The following BBS9 variants were observed in gnomAD, a reference collection of about 807,000 sequenced individuals.
BBS9 encodes protein PTHB1.
BBS9 carries 89 observed loss-of-function variants against 117.7 expected under a neutral mutation model. The observed-to-expected ratio is 0.76, with a 90% CI of 0.64 to 0.90. BBS9 has a LOEUF of 0.90. Among genes scored for constraint, BBS9 ranks in the 40% least tolerant of loss-of-function variants. The pLI, the probability that BBS9 is intolerant of heterozygous loss-of-function variation, is 0.00. For synonymous variants in BBS9, 379 were observed against 370.9 expected (o/e 1.02, Z -0.25); for missense variants, 982 against 1,042.2 (o/e 0.94, Z 0.80).
At chr7:33,512,007 A>G (rs749789174) in intron 20 of BBS9, among the ~76,000 whole-genome samples, 1 of 152,356 alleles carries the variant, frequency 6.6e-6, no homozygotes, top group Non-Finnish European at 1.5e-5. Flanking sequence ...CTGTTAAAGT[A>G]TCATCCCAAT....
chr7:33,326,644 C>G (rs1026215501), intron 9 of BBS9, among the ~76,000 whole-genome samples: 4 of 152,090 alleles, frequency 2.6e-5, no homozygotes, highest in African/African-American at 7.2e-5. Context: ...CGAGTACTGC[C>G]TGGCTACCAC....
intron 19 of BBS9, among the ~76,000 whole-genome samples, chr7:33,436,203 C>T (rs1299534187): frequency 6.6e-6 from 1 of 152,188 alleles, no homozygotes; most frequent in Non-Finnish European, 1.5e-5. Context: ...GTTTCTGCTA[C>T]TTAAGGACTC....
In BBS9 at chr7:33,275,804, T is replaced by G. The variant is rs984608677; in HGVS notation, c.1016+1848T>G. 7.9e-5 allele frequency among the ~76,000 whole-genome samples: 12 copies of G among 152,336 alleles called. No individual in the cohort carries two copies. The East Asian group carries it at 2.3e-3, about 29-fold the overall frequency. ...GAGAAAAGTGCAAAGGTATGGCTTC[T>G]CAGCAGATATTTATTGTTAATTTAT... On this transcript the variant is annotated intron_variant, in intron 9 of 22. Coordinates refer to ENST00000242067, the MANE Select transcript of BBS9 (RefSeq NM_198428.3).
At chr7:33,147,687 A>G (rs1792641399) in intron 2 of BBS9, among the ~76,000 whole-genome samples, 1 of 152,222 alleles carries the variant, frequency 6.6e-6, no homozygotes, top group African/African-American at 2.4e-5. Context: ...TGCCTAAACT[A>G]TCTAAAGTTC....
At chr7:33,471,134 G>T (rs565422100) in intron 19 of BBS9, among the ~76,000 whole-genome samples, 76 of 152,222 alleles carry the variant, frequency 5.0e-4, no homozygotes, top group Non-Finnish European at 9.7e-4. Context: ...TGTTCCAGTG[G>T]CTAGTTATCT....
chr7:33,337,329 A>AT (rs1319276215), intron 10 of BBS9, among the ~76,000 whole-genome samples: 1 of 152,112 alleles, frequency 6.6e-6, no homozygotes, highest in Non-Finnish European at 1.5e-5. Context: ...AGGTAAAAGT[A>AT]TTTTTTTAAT....
intron 6 of BBS9, among the ~76,000 whole-genome samples, chr7:33,258,065 T>TC: frequency 6.6e-6 from 1 of 152,306 alleles, no homozygotes; most frequent in Non-Finnish European, 1.5e-5. Context: ...TAGATTTAAA[T>TC]AAAAGTCAAG....
intron 19 of BBS9, among the ~76,000 whole-genome samples, chr7:33,422,695 C>A (rs1046131991): frequency 6.6e-6 from 1 of 152,048 alleles, no homozygotes; most frequent in Non-Finnish European, 1.5e-5. Context: ...GAGAAGACAG[C>A]TAATTACCAG....
At chr7:33,590,475 T>TTTTTTTTTTTTA (rs1431588070) in intron 21 of BBS9, among the ~76,000 whole-genome samples, 2 of 150,204 alleles carry the variant, frequency 1.3e-5, no homozygotes, top group Non-Finnish European at 3.0e-5. Flanking sequence ...TTTTTTTTTT[T>TTTTTTTTTTTTA]TTACCAGATC....
chr7:33,562,808 C>T (rs143336668), intron 21 of BBS9, among the ~76,000 whole-genome samples: 2,341 of 152,184 alleles, frequency 0.015, 65 homozygotes, highest in Admixed American at 0.067. Context: ...CCTGTAGTCC[C>T]AGCTACTCGG....
chr7:33,384,933 G>A (rs1244284851), intron 18 of BBS9, among the ~76,000 whole-genome samples: 1 of 151,922 alleles, frequency 6.6e-6, no homozygotes, highest in East Asian at 1.9e-4. Flanking sequence ...TTCTAGGAAC[G>A]CATGCCTTTG....
chr7:33,476,319 C>T (rs1841799558), intron 19 of BBS9, among the ~76,000 whole-genome samples: 1 of 152,122 alleles, frequency 6.6e-6, no homozygotes, highest in Non-Finnish European at 1.5e-5. Context: ...GAAACCTGTG[C>T]AGTTACTCTG....
rs958704557 is a variant in BBS9 at position 33,190,650 on chromosome 7, C to A, written c.442+13059C>A. Among the ~76,000 whole-genome samples the A allele has an allele frequency of 8.5e-5, 13 of 152,154 alleles. 1 individual carries two copies. Among genetic ancestry groups the A allele is most frequent in the Admixed American group, 8.5e-4 (13 of 15,276 alleles). On this transcript the variant is annotated intron_variant, in intron 5 of 22. Coordinates refer to ENST00000242067, the MANE Select transcript of BBS9 (RefSeq NM_198428.3). Reference sequence around the variant, plus strand: ...TCTGGTTACATGATGGCTATAGCAGCTTTAAATCTTTACTTGTCACATTCT... The same window carrying A: ...TCTGGTTACATGATGGCTATAGCAGATTTAAATCTTTACTTGTCACATTCT...
chr7:33,344,651 T>C lies in BBS9; in HGVS notation c.1329+17T>C. On this transcript the variant is annotated intron_variant, in intron 12 of 22. Transcript: ENST00000242067. ...ACGGTGAAGGTATTGTACCAGATTTTAGACTGTAATGTGCAAACAATATGA... is the reference window on the plus strand; with the variant it reads ...ACGGTGAAGGTATTGTACCAGATTTCAGACTGTAATGTGCAAACAATATGA... 1 of 1,610,856 alleles carries C rather than the reference T, an allele frequency of 6.2e-7. No homozygotes were observed. Among genetic ancestry groups the C allele is most frequent in the Admixed American group, 1.7e-5 (1 of 60,030 alleles).
chr7:33,496,713 C>A (rs921421262), intron 19 of BBS9, among the ~76,000 whole-genome samples: 1 of 152,146 alleles, frequency 6.6e-6, no homozygotes, highest in Non-Finnish European at 1.5e-5. Flanking sequence ...CCTCAGATTT[C>A]TCTTTTATCT....
chr7:33,317,611 C>T (rs1477925351), intron 9 of BBS9, among the ~76,000 whole-genome samples: 1 of 152,160 alleles, frequency 6.6e-6, no homozygotes, highest in African/African-American at 2.4e-5. Context: ...AGTTTGTCTC[C>T]TCTCTCTTCC....
chr7:33,551,801 C>A (rs991506843), intron 21 of BBS9, among the ~76,000 whole-genome samples: 2 of 152,092 alleles, frequency 1.3e-5, no homozygotes, highest in Non-Finnish European at 2.9e-5. Flanking sequence ...CCATTTGTGC[C>A]ACATCTTTCT....
At chr7:33,550,447 C>G (rs1342807329) in intron 21 of BBS9, among the ~76,000 whole-genome samples, 2 of 152,010 alleles carry the variant, frequency 1.3e-5, no homozygotes, top group East Asian at 3.9e-4. Context: ...TGAGTATCCA[C>G]AAGTAAATGG....
chr7:33,606,487 G>A (rs138228121), downstream of BBS9, among the ~76,000 whole-genome samples: 563 of 152,290 alleles, frequency 3.7e-3, 4 homozygotes, highest in Admixed American at 5.8e-3. Flanking sequence ...TGCATTAAGG[G>A]TTTTGTTGCT....
Sources: allele counts gnomAD v4.1 joint callset (sites outside exome capture counted in the v4.1 genomes callset), GRCh38; gene constraint gnomAD v4.1.1; transcripts MANE v1.5; gene names NCBI Gene and HGNC (gene_info 2026-07-23, HGNC 2026-07-21).